DIPK1A: variants seen among roughly 807,000 people sequenced by gnomAD.
The protein encoded by DIPK1A is divergent protein kinase domain 1A.
Under a neutral mutation model 40.8 loss-of-function variants are expected in DIPK1A, and 27 were observed. The observed-to-expected ratio is 0.66, with a 90% CI of 0.49 to 0.91. The LOEUF (loss-of-function observed/expected upper bound fraction) is 0.91. DIPK1A is among the 40% of genes least tolerant of loss of function. The pLI, the probability that DIPK1A is intolerant of heterozygous loss-of-function variation, is 0.00. For missense variants in DIPK1A, 412 were observed against 505.7 expected (o/e 0.81, Z 1.78); for synonymous variants, 166 against 171.3 (o/e 0.97, Z 0.24).
chr1:92,936,284 T>C (rs1650941976), intron 1 of DIPK1A, among the ~76,000 whole-genome samples: 1 of 152,174 alleles, frequency 6.6e-6, no homozygotes, highest in African/African-American at 2.4e-5. Context: ...ATAGGCAGCT[T>C]TGAAAACCTA....
intron 2 of DIPK1A, among the ~76,000 whole-genome samples, chr1:92,853,216 A>G (rs1211779694): frequency 6.6e-6 from 1 of 152,198 alleles, no homozygotes; most frequent in Non-Finnish European, 1.5e-5. Flanking sequence ...ACTGAAGGAG[A>G]ATGGGAACAA....
At chr1:92,920,816 C>T (rs922542536) in intron 1 of DIPK1A, among the ~76,000 whole-genome samples, 2 of 152,286 alleles carry the variant, frequency 1.3e-5, no homozygotes, top group Middle Eastern at 3.4e-3. Context: ...GGCAATACAT[C>T]GCTTGAACTA....
chr1:92,845,402 C>A, intron 4 of DIPK1A: 1 of 239,166 alleles, frequency 4.2e-6, no homozygotes, highest in Non-Finnish European at 8.0e-6. Flanking sequence ...GGCACAATTG[C>A]TCAAGCCAGT....
At chr1:92,902,879 T>C (rs1557477832) in intron 1 of DIPK1A, among the ~76,000 whole-genome samples, 1 of 152,210 alleles carries the variant, frequency 6.6e-6, no homozygotes, top group Non-Finnish European at 1.5e-5. Context: ...GTTTTGGTTC[T>C]TTGTGAGGAT....
intron 1 of DIPK1A, among the ~76,000 whole-genome samples, chr1:92,885,699 T>G (rs1648568457): frequency 1.3e-5 from 2 of 152,176 alleles, no homozygotes; most frequent in African/African-American, 4.8e-5. Context: ...GGTAAATACT[T>G]AGTTTGTTAA....
At chr1:92,873,135 T>C (rs1167405647) in intron 2 of DIPK1A, among the ~76,000 whole-genome samples, 1 of 152,212 alleles carries the variant, frequency 6.6e-6, no homozygotes. Context: ...TTCTTTTAGT[T>C]TACCTTTACT....
At chr1:92,856,736 GAAGGAAAAAAAGAA>G (rs1331609899) in intron 2 of DIPK1A, among the ~76,000 whole-genome samples, 1 of 151,946 alleles carries the variant, frequency 6.6e-6, no homozygotes, top group Non-Finnish European at 1.5e-5. Context: ...TAGTTTTAAG[GAAGGAAAAAAAGAA>G]AAGGAAAAGA....
At chr1:92,918,601 C>T (rs1650146456) in intron 1 of DIPK1A, among the ~76,000 whole-genome samples, 1 of 152,190 alleles carries the variant, frequency 6.6e-6, no homozygotes, top group African/African-American at 2.4e-5. Context: ...TAATTACGCA[C>T]TCTCCTAATC....
At chr1:92,858,523 C>A (rs1344403569) in intron 2 of DIPK1A, among the ~76,000 whole-genome samples, 1 of 152,046 alleles carries the variant, frequency 6.6e-6, no homozygotes, top group African/African-American at 2.4e-5. Flanking sequence ...GTGGCTTTGG[C>A]TTTAAAATCT....
downstream of DIPK1A, chr1:92,840,991 A>G: frequency 5.1e-6 from 2 of 394,002 alleles, no homozygotes; most frequent in South Asian, 2.0e-5. Context: ...CACAAATACA[A>G]TGTATAGTAA....
chr1:92,867,987 A>C (rs567900481), intron 2 of DIPK1A, among the ~76,000 whole-genome samples: 2 of 152,316 alleles, frequency 1.3e-5, no homozygotes, highest in South Asian at 2.1e-4. Flanking sequence ...CAAATGAAAA[A>C]AGTCAAGGAC....
At chr1:92,895,730 G>A (rs1649129150) in intron 1 of DIPK1A, among the ~76,000 whole-genome samples, 1 of 152,066 alleles carries the variant, frequency 6.6e-6, no homozygotes. Flanking sequence ...GTTTGCAGAT[G>A]ACATGATTGT....
rs1687796384 is a variant in DIPK1A at position 92,850,901 on chromosome 1, C to T, written c.244G>A (p.Val82Ile). ...IDGPACNSLCVTETLYFGKCL... is the reference protein window; with the variant it reads ...IDGPACNSLCITETLYFGKCL... Reference sequence around the variant, plus strand: ...TTTCCAAAGTAAAGAGTTTCTGTAACACAAAGGCTGTTACATGCAGGCCCA... The same window carrying T: ...TTTCCAAAGTAAAGAGTTTCTGTAATACAAAGGCTGTTACATGCAGGCCCA... The change falls in exon 3 of 5, where the codon GTT becomes ATT. Residue 82 changes from valine (V) to isoleucine (I), a missense_variant. By Grantham distance (29) the Val-to-Ile change is conservative. Coordinates refer to ENST00000370310, the MANE Select transcript of DIPK1A (RefSeq NM_001006605.5). 1 of 1,576,248 alleles carries T rather than the reference C, an allele frequency of 6.3e-7. No individual in the cohort carries two copies. Among genetic ancestry groups the T allele is most frequent in the Non-Finnish European group, 8.6e-7 (1 of 1,159,174 alleles).
Position 92,948,152 on chromosome 1 carries a change from T to C in DIPK1A, c.54+13224A>G, listed in dbSNP as rs930510822. ...CTTACATGGAGACTTGGTTGTACAA[T>C]AGGAAAAAATATAAATGTTATCAAC... On this transcript the variant is annotated intron_variant, in intron 1 of 4. Coordinates refer to ENST00000370310, the MANE Select transcript of DIPK1A (RefSeq NM_001006605.5). Among the ~76,000 whole-genome samples the C allele has an allele frequency of 3.9e-5, 6 of 152,222 alleles. No individual in the cohort carries two copies. The South Asian group carries it at 6.2e-4, about 16-fold the overall frequency.
downstream of DIPK1A, chr1:92,840,225 G>A: frequency 1.6e-5 from 5 of 318,938 alleles, no homozygotes; most frequent in South Asian, 1.4e-4. Flanking sequence ...TGCCTTAGCT[G>A]GTCTCAAACT....
chr1:92,933,294 G>T (rs975416552), intron 1 of DIPK1A: 1 of 152,122 alleles, frequency 6.6e-6, no homozygotes, highest in African/African-American at 2.4e-5. Context: ...GTTCTAAGAA[G>T]AAACTGAAAA....
At position 92,843,026 on chromosome 1, in the gene DIPK1A, AAC is replaced by A. The variant is rs770390297; in HGVS notation, c.*355_*356del. 230 of 1,001,418 alleles carry A rather than the reference AAC, an allele frequency of 2.3e-4. No homozygotes were observed. The highest frequency in any genetic ancestry group is 2.6e-4 in the Non-Finnish European group (222 of 840,844). The allele number at this position is 1,001,418 out of a possible 1,614,324, so 62.0% of individuals were successfully genotyped here. A position where few individuals can be genotyped will look rare whatever the true frequency, so the allele number is the denominator to read the frequency against. ...CTTGTTGAACAGCAGCTTCAATGCAAACACAATGCTTCCAGCATTGGTATTTT... is the reference window on the plus strand; with the variant it reads ...CTTGTTGAACAGCAGCTTCAATGCAAACAATGCTTCCAGCATTGGTATTTT... On this transcript the variant is annotated 3_prime_UTR_variant, in exon 5 of 5. Coordinates refer to ENST00000370310, the MANE Select transcript of DIPK1A (RefSeq NM_001006605.5).
intron 3 of DIPK1A, among the ~76,000 whole-genome samples, chr1:92,847,681 T>C (rs1215985487): frequency 6.6e-6 from 1 of 152,222 alleles, no homozygotes; most frequent in Non-Finnish European, 1.5e-5. Flanking sequence ...AACTACTATT[T>C]AAGTATCTAG....
intron 1 of DIPK1A, among the ~76,000 whole-genome samples, chr1:92,896,222 G>C (rs1264028565): frequency 6.6e-6 from 1 of 152,114 alleles, no homozygotes; most frequent in Non-Finnish European, 1.5e-5. Context: ...AAAGAACAAA[G>C]CTGGAGGCAT....
Sources: allele counts gnomAD v4.1 joint callset (sites outside exome capture counted in the v4.1 genomes callset), GRCh38; gene constraint gnomAD v4.1.1; transcripts MANE v1.5; gene names NCBI Gene and HGNC (gene_info 2026-07-23, HGNC 2026-07-21).